Variants in DLG2 observed in about 807,000 individuals in gnomAD.
The protein encoded by DLG2 is disks large homolog 2.
A neutral mutation model predicts 132.5 loss-of-function variants in DLG2; 45 were observed. The ratio of observed to expected loss-of-function variants is 0.34; its 90% CI spans 0.27 to 0.44. The LOEUF is 0.44. Among genes scored for constraint, DLG2 ranks in the 20% least tolerant of loss-of-function variants. DLG2 has a pLI of 1.00. For missense variants in DLG2, 1,045 were observed against 1,196.9 expected (o/e 0.87, Z 1.87); for synonymous variants, 424 against 419.6 (o/e 1.01, Z -0.13).
chr11:85,283,440 T>C (rs1270228372), intron 4 of DLG2, among the ~76,000 whole-genome samples: 2 of 150,614 alleles, frequency 1.3e-5, no homozygotes, highest in African/African-American at 4.9e-5. Flanking sequence ...ATTTTGAAGG[T>C]TAAAAAGTAC....
At chr11:84,943,167 C>CGTGTGTGTGT (rs201404405) in intron 6 of DLG2, among the ~76,000 whole-genome samples, 4 of 137,800 alleles carry the variant, frequency 2.9e-5, no homozygotes, top group African/African-American at 8.0e-5. Context: ...TGTGTGTGTG[C>CGTGTGTGTGT]GTGTGTGTGT....
chr11:84,986,209 G>T (rs745728136), intron 6 of DLG2, among the ~76,000 whole-genome samples: 5 of 151,982 alleles, frequency 3.3e-5, no homozygotes, highest in Admixed American at 1.3e-4. Flanking sequence ...CCTAGAGATG[G>T]ATAAATTCCT....
intron 15 of DLG2, among the ~76,000 whole-genome samples, chr11:83,888,799 C>A (rs909487712): frequency 6.6e-6 from 1 of 152,114 alleles, no homozygotes; most frequent in African/African-American, 2.4e-5. Flanking sequence ...AGAAATAAAG[C>A]CGCATATCTA....
At chr11:84,372,572 T>C (rs1261280769) in intron 7 of DLG2, among the ~76,000 whole-genome samples, 2 of 152,218 alleles carry the variant, frequency 1.3e-5, no homozygotes, top group African/African-American at 4.8e-5. Flanking sequence ...AGAAACATTA[T>C]AGGCAAAGGA....
Position 85,545,742 on chromosome 11 carries a change from T to C in DLG2, c.40+52915A>G, listed in dbSNP as rs376526663. 1.2e-4 allele frequency among the ~76,000 whole-genome samples: 18 copies of C among 152,330 alleles called. No homozygotes were observed. In the East Asian group the frequency reaches 1.3e-3, roughly 11 times the overall value. ...GAGGGTGTATGTGTCCAGGAACTTA[T>C]CCATTTCTTCTAGAGTTTCTAGTTT... On this transcript the variant is annotated intron_variant, in intron 3 of 27. Transcript: ENST00000376104.
rs373573588 is a variant in DLG2, at chr11:83,883,462, A to G, written c.1497-8974T>C. Among the ~76,000 whole-genome samples, 9 of 152,348 alleles carry G rather than the reference A, an allele frequency of 5.9e-5. No homozygotes were observed. The East Asian group carries it at 1.5e-3, about 26-fold the overall frequency. On this transcript the variant is annotated intron_variant, in intron 15 of 27. Transcript: ENST00000376104. ...TTAGGTAAGAATTAAAAGTGAACTA[A>G]GTGAAAAATCTAAAAATCCCACTCA...
intron 18 of DLG2, among the ~76,000 whole-genome samples, chr11:83,734,396 CTT>C (rs1566753475): frequency 2.1e-4 from 30 of 144,968 alleles, no homozygotes; most frequent in East Asian, 8.1e-4. Context: ...TCCTTCCTTC[CTT>C]CCTTCCTTCC....
intron 7 of DLG2, among the ~76,000 whole-genome samples, chr11:84,304,427 CT>C: frequency 1.3e-5 from 2 of 152,280 alleles, no homozygotes; most frequent in Non-Finnish European, 2.9e-5. Flanking sequence ...TTAATCCAGA[CT>C]TTTTAAAAAA....
intron 6 of DLG2, among the ~76,000 whole-genome samples, chr11:84,960,177 C>A (rs2052343252): frequency 6.6e-6 from 1 of 152,172 alleles, no homozygotes; most frequent in Non-Finnish European, 1.5e-5. Flanking sequence ...CCTACTTCTA[C>A]TGAACTCATG....
chr11:85,600,134 C>A lies in DLG2; in HGVS notation c.-92-1346G>T, dbSNP rs144146393. 3.4e-3 allele frequency among the ~76,000 whole-genome samples: 519 copies of A among 152,274 alleles called. 1 individual carries two copies. Among genetic ancestry groups the A allele is most frequent in the Non-Finnish European group, 5.6e-3 (380 of 68,018 alleles). ...AAGCTCCTAACATAACATCTACTGA[C>A]TTACCTGTAACTGCACCCACATAGT... On this transcript the variant is annotated intron_variant, in intron 2 of 27. Transcript: ENST00000376104.
chr11:84,028,501 G>C (rs960237357), intron 11 of DLG2, among the ~76,000 whole-genome samples: 4 of 152,108 alleles, frequency 2.6e-5, no homozygotes, highest in Non-Finnish European at 5.9e-5. Context: ...ACATGAGTGA[G>C]TGGTAGGCTT....
At chr11:84,839,729 C>T (rs576652067) in intron 6 of DLG2, among the ~76,000 whole-genome samples, 8 of 152,012 alleles carry the variant, frequency 5.3e-5, no homozygotes, top group South Asian at 2.1e-4. Context: ...CACAAAAACA[C>T]GAAATGGGGA....
intron 18 of DLG2, among the ~76,000 whole-genome samples, chr11:83,700,395 C>T (rs1355217950): frequency 6.6e-6 from 1 of 152,088 alleles, no homozygotes; most frequent in Non-Finnish European, 1.5e-5. Context: ...CTATGATGAC[C>T]TTCTGGTATC....
At chr11:84,517,517 A>C (rs1424192943) in intron 7 of DLG2, among the ~76,000 whole-genome samples, 1 of 152,002 alleles carries the variant, frequency 6.6e-6, no homozygotes, top group African/African-American at 2.4e-5. Flanking sequence ...AGGATGTGGA[A>C]AAAAGGGAGC....
chr11:84,235,089 C>T (rs957344540), intron 8 of DLG2, among the ~76,000 whole-genome samples: 7 of 152,216 alleles, frequency 4.6e-5, no homozygotes, highest in African/African-American at 1.7e-4. Flanking sequence ...TCTATTCATT[C>T]CAGGTCTTTA....
intron 4 of DLG2, among the ~76,000 whole-genome samples, chr11:85,182,513 A>G (rs1216055836): frequency 3.9e-5 from 6 of 151,912 alleles, no homozygotes; most frequent in African/African-American, 1.4e-4. Flanking sequence ...CTGCTTTTTA[A>G]AAAGCAATGA....
At chr11:84,587,017 T>C (rs1565378996) in intron 6 of DLG2, among the ~76,000 whole-genome samples, 1 of 152,208 alleles carries the variant, frequency 6.6e-6, no homozygotes, top group Non-Finnish European at 1.5e-5. Context: ...ATCATTTTCT[T>C]AAAGGGAACT....
intron 19 of DLG2, among the ~76,000 whole-genome samples, chr11:83,576,556 G>A (rs2096877096): frequency 6.6e-6 from 1 of 152,038 alleles, no homozygotes; most frequent in Non-Finnish European, 1.5e-5. Context: ...CATGCAAAGA[G>A]AATAAGGAAG....
intron 10 of DLG2, among the ~76,000 whole-genome samples, chr11:84,095,069 A>T (rs2097147439): frequency 6.6e-6 from 1 of 152,128 alleles, no homozygotes; most frequent in African/African-American, 2.4e-5. Flanking sequence ...CAAGAGAAAA[A>T]AAAGTATGTG....
Sources: gnomAD v4.1 joint callset for allele counts (sites outside exome capture counted in the v4.1 genomes callset) on GRCh38, gnomAD v4.1.1 for gene constraint, MANE v1.5 for transcripts, NCBI Gene and HGNC (gene_info 2026-07-23, HGNC 2026-07-21) for gene names.